The following CLEC2A variants were observed in gnomAD, a reference collection of about 807,000 sequenced individuals.
CLEC2A encodes the protein keratinocyte-associated C-type lectin.
Under a neutral mutation model 18.6 loss-of-function variants are expected in CLEC2A, and 19 were observed. The observed-to-expected ratio is 1.02, with a 90% confidence interval of 0.71 to 1.50. The LOEUF (loss-of-function observed/expected upper bound fraction) is 1.50, where lower values mean the gene tolerates loss of function less well. Among genes scored for constraint, CLEC2A ranks in the 40% most tolerant of loss-of-function variants. The pLI is 0.00. For synonymous variants in CLEC2A, 74 were observed against 64.0 expected, an observed-to-expected ratio of 1.16 and a Z score of -0.75; for missense variants, 190 against 207.9, an observed-to-expected ratio of 0.91 and a Z score of 0.53.
chr12:9,899,071 G>A (rs1862790816), intron 4 of CLEC2A: 2 of 646,752 alleles, frequency 3.1e-6, no homozygotes, highest in Non-Finnish European at 5.8e-6. Flanking sequence ...AAAATTCCAA[G>A]GCCTTTTATC....
chr12:9,905,249 C>A (rs566254948), intron 4 of CLEC2A, among the ~76,000 whole-genome samples: 1 of 152,290 alleles, frequency 6.6e-6, no homozygotes, highest in East Asian at 1.9e-4. Context: ...CTCCTTTCAG[C>A]TGTGCGGTGC....
chr12:9,909,822 G>C (rs1862957681), downstream of CLEC2A, among the ~76,000 whole-genome samples: 1 of 152,152 alleles, frequency 6.6e-6, no homozygotes, highest in Non-Finnish European at 1.5e-5. Flanking sequence ...ATGTGAGCAG[G>C]GGAGGGATCT....
chr12:9,920,494 G>A (rs1042105190), intron 3 of CLEC2A, among the ~76,000 whole-genome samples: 5 of 152,182 alleles, frequency 3.3e-5, no homozygotes, highest in East Asian at 1.9e-4. Flanking sequence ...TTCCCTGGGC[G>A]AGGGGAGTTC....
At chr12:9,906,022 T>TTTG (rs1381674378) in intron 4 of CLEC2A, among the ~76,000 whole-genome samples, 1 of 77,456 alleles carries the variant, frequency 1.3e-5, no homozygotes, top group East Asian at 2.5e-4. Flanking sequence ...ACTTATTAGT[T>TTTG]TTGTTTTTTT....
intron 2 of CLEC2A, among the ~76,000 whole-genome samples, chr12:9,924,323 C>T (rs1863228308): frequency 1.3e-5 from 2 of 152,116 alleles, no homozygotes; most frequent in Non-Finnish European, 2.9e-5. Flanking sequence ...ACTGTAGAAA[C>T]TCTTGTCTAT....
the CLEC2A span, among the ~76,000 whole-genome samples, chr12:9,892,258 A>G: frequency 1.3e-5 from 2 of 152,344 alleles, no homozygotes; most frequent in East Asian, 3.9e-4. Context: ...ATTCAAGACT[A>G]AGGGAACAGT....
At chr12:9,906,507 G>C (rs768336214) in intron 4 of CLEC2A, among the ~76,000 whole-genome samples, 1 of 152,118 alleles carries the variant, frequency 6.6e-6, no homozygotes, top group African/African-American at 2.4e-5. Flanking sequence ...TGGCCTTTGC[G>C]GTTAATAAGA....
chr12:9,900,251 C>T (rs540981460), intron 4 of CLEC2A, among the ~76,000 whole-genome samples: 1 of 152,280 alleles, frequency 6.6e-6, no homozygotes, highest in South Asian at 2.1e-4. Context: ...GTTACCCATC[C>T]CTCTTGTTCT....
chr12:9,884,839 C>A, the CLEC2A span: 15 of 415,600 alleles, frequency 3.6e-5, no homozygotes, highest in African/African-American at 2.9e-4. Flanking sequence ...AATGACATAT[C>A]TAAAATGAAC....
chr12:9,913,502 T>A lies in CLEC2A; in HGVS notation c.*64A>T. ...GTAACAGAATAAGTGAGAAAGCCAC[T>A]TTTGCATAATTAGCTCTTCTTTCAA... On this transcript the variant is annotated 3_prime_UTR_variant, in exon 5 of 5. Coordinates refer to ENST00000455827, the MANE Select transcript of CLEC2A (RefSeq NM_001130711.2). The A allele has an allele frequency of 6.6e-7, 1 of 1,503,896 alleles. No homozygotes were observed. The highest frequency in any genetic ancestry group is 8.8e-7 in the Non-Finnish European group (1 of 1,132,190). The allele number at this position is 1,503,896 out of a possible 1,614,324, so 93.2% of individuals were successfully genotyped here. A position where few individuals can be genotyped will look rare whatever the true frequency, so the allele number is the denominator to read the frequency against.
At chr12:9,911,585 T>C (rs1862987644), downstream of CLEC2A, among the ~76,000 whole-genome samples, 2 of 152,216 alleles carry the variant, frequency 1.3e-5, no homozygotes, top group East Asian at 1.9e-4. Context: ...GACACCTGCA[T>C]TTTACCAATA....
At chr12:9,907,860 G>C (rs533704404) in intron 4 of CLEC2A, among the ~76,000 whole-genome samples, 1 of 152,286 alleles carries the variant, frequency 6.6e-6, no homozygotes, top group African/African-American at 2.4e-5. Context: ...CAAAGGACAG[G>C]CCCAAAAGGT....
the CLEC2A span, chr12:9,893,638 T>C: frequency 8.5e-6 from 4 of 471,586 alleles, no homozygotes; most frequent in East Asian, 1.3e-4. Context: ...TCTTTCTCTG[T>C]TTTCCCTTAT....
At chr12:9,899,098 G>A in intron 4 of CLEC2A, 1 of 546,886 alleles carries the variant, frequency 1.8e-6, no homozygotes, top group Middle Eastern at 4.3e-4. Context: ...CACAGGGAGA[G>A]GCAGGCGAAA....
chr12:9,893,701 C>T (rs1275726908), downstream of CLEC2A, among the ~76,000 whole-genome samples: 1 of 117,776 alleles, frequency 8.5e-6, no homozygotes, highest in Non-Finnish European at 2.1e-5. Flanking sequence ...TCTTTCCTTC[C>T]TCCCTCCCTT....
chr12:9,926,546 G>A (rs1056700832), intron 1 of CLEC2A, among the ~76,000 whole-genome samples: 2 of 152,174 alleles, frequency 1.3e-5, no homozygotes, highest in Non-Finnish European at 2.9e-5. Flanking sequence ...TGTTCGGCTC[G>A]AGAGAGTGGT....
At chr12:9,896,460 A>G (rs118183854), downstream of CLEC2A, among the ~76,000 whole-genome samples, 4 of 152,174 alleles carry the variant, frequency 2.6e-5, no homozygotes, top group Non-Finnish European at 4.4e-5. Context: ...TCAAAACAAA[A>G]AAAAAAAGCA....
downstream of CLEC2A, among the ~76,000 whole-genome samples, chr12:9,894,030 CTCTT>C (rs955882867): frequency 5.3e-5 from 8 of 151,796 alleles, no homozygotes; most frequent in African/African-American, 7.3e-5. Flanking sequence ...TTCTTTTCTT[CTCTT>C]TCTTTTTCTT....
the CLEC2A span, among the ~76,000 whole-genome samples, chr12:9,879,923 C>T: frequency 1.3e-5 from 2 of 152,170 alleles, no homozygotes; most frequent in South Asian, 4.1e-4. Flanking sequence ...GCTCAGACTC[C>T]GATGGCACAT....
Sources: allele counts gnomAD v4.1 joint callset (sites outside exome capture counted in the v4.1 genomes callset), GRCh38; gene constraint gnomAD v4.1.1; transcripts MANE v1.5; gene names NCBI Gene and HGNC (gene_info 2026-07-23, HGNC 2026-07-21).